SHROOM3: variants seen among roughly 807,000 people sequenced by gnomAD.
SHROOM3 encodes shroom family member 3, also known as protein Shroom3.
Under a neutral mutation model 138.6 loss-of-function variants are expected in SHROOM3, and 47 were observed. That is an observed-to-expected ratio of 0.34 (90% CI 0.27 to 0.43). The LOEUF (loss-of-function observed/expected upper bound fraction) is 0.43, where lower values mean the gene tolerates loss of function less well. SHROOM3 is among the 20% of genes least tolerant of loss of function. The pLI, the probability that SHROOM3 is intolerant of heterozygous loss-of-function variation, is 1.00. For missense variants in SHROOM3, 2,491 were observed against 2,596.5 expected (o/e 0.96, Z 0.88); for synonymous variants, 1,062 against 1,063.3 (o/e 1.00, Z 0.02).
intron 1 of SHROOM3, among the ~76,000 whole-genome samples, chr4:76,489,498 T>C (rs1050848878): frequency 6.6e-6 from 1 of 152,214 alleles, no homozygotes; most frequent in African/African-American, 2.4e-5. Flanking sequence ...CCACCACTTC[T>C]TTTTTCTTTC....
At chr4:76,559,835 A>G (rs1382424713) in intron 2 of SHROOM3, among the ~76,000 whole-genome samples, 9 of 152,222 alleles carry the variant, frequency 5.9e-5, no homozygotes. Flanking sequence ...ACTTTCAAAG[A>G]TCTGCTGACC....
intron 2 of SHROOM3, among the ~76,000 whole-genome samples, chr4:76,591,037 T>A (rs1266793595): frequency 1.3e-5 from 2 of 152,150 alleles, no homozygotes; most frequent in Non-Finnish European, 2.9e-5. Context: ...GGGAAAGTAA[T>A]AATTATAGTT....
At chr4:76,577,142 C>T (rs150074846) in intron 2 of SHROOM3, among the ~76,000 whole-genome samples, 98 of 152,276 alleles carry the variant, frequency 6.4e-4, no homozygotes, top group Middle Eastern at 6.8e-3. Flanking sequence ...CTGACTCTAG[C>T]GTTCCAAAAG....
chr4:76,555,584 C>T, intron 1 of SHROOM3, 25 bp from the exon 2 acceptor site: 6 of 1,612,282 alleles, frequency 3.7e-6, no homozygotes, highest in Non-Finnish European at 5.1e-6. Flanking sequence ...TCACTCGTGG[C>T]TGTCGCATCT....
At chr4:76,479,866 C>T (rs183631988) in intron 1 of SHROOM3, among the ~76,000 whole-genome samples, 165 of 152,250 alleles carry the variant, frequency 1.1e-3, no homozygotes, top group African/African-American at 3.6e-3. Flanking sequence ...AATTTCATAT[C>T]CAGCCAAACT....
intron 10 of SHROOM3, among the ~76,000 whole-genome samples, chr4:76,777,241 T>C (rs1207685901): frequency 6.6e-6 from 1 of 152,232 alleles, no homozygotes; most frequent in African/African-American, 2.4e-5. Context: ...ACAGGATATG[T>C]TTCCATTTGT....
intron 2 of SHROOM3, among the ~76,000 whole-genome samples, chr4:76,624,252 G>A (rs150830788): frequency 3.3e-5 from 5 of 152,118 alleles, no homozygotes; most frequent in East Asian, 1.9e-4. Flanking sequence ...CTGTCCTTCC[G>A]TCGTCTGGGG....
chr4:76,568,118 C>T (rs1327492656), intron 2 of SHROOM3, among the ~76,000 whole-genome samples: 1 of 152,234 alleles, frequency 6.6e-6, no homozygotes, highest in East Asian at 1.9e-4. Flanking sequence ...GGATTTTGTT[C>T]GGTGTGGTAT....
intron 2 of SHROOM3, among the ~76,000 whole-genome samples, chr4:76,628,358 G>A (rs920762233): frequency 2.6e-5 from 4 of 152,156 alleles, no homozygotes; most frequent in Admixed American, 1.3e-4. Flanking sequence ...AGAGCAAGGT[G>A]TATCATTATT....
intron 2 of SHROOM3, among the ~76,000 whole-genome samples, chr4:76,680,286 G>A (rs879365511): frequency 3.3e-5 from 5 of 151,924 alleles, no homozygotes; most frequent in Admixed American, 6.6e-5. Context: ...GACTACAGGC[G>A]CCCACCACCA....
intron 1 of SHROOM3, among the ~76,000 whole-genome samples, chr4:76,552,026 T>TA (rs1733370090): frequency 1.4e-5 from 1 of 71,712 alleles, no homozygotes; most frequent in African/African-American, 7.0e-5. Context: ...CACGCCCGGC[T>TA]AATTTTTTGT....
At chr4:76,580,244 G>A (rs1184688471) in intron 2 of SHROOM3, among the ~76,000 whole-genome samples, 3 of 152,160 alleles carry the variant, frequency 2.0e-5, no homozygotes, top group East Asian at 1.9e-4. Context: ...TGGGAGAGGC[G>A]TGGCATATCC....
intron 1 of SHROOM3, among the ~76,000 whole-genome samples, chr4:76,551,923 G>A (rs1403111758): frequency 1.3e-5 from 2 of 151,138 alleles, no homozygotes; most frequent in African/African-American, 4.9e-5. Context: ...GTGCAGTGGT[G>A]CGATCTCGGC....
rs1449140588 is a variant in SHROOM3 at position 76,708,949 on chromosome 4, A to C, written c.324-1207A>C. ...CGAGAATCCTAAATTCGGTGAGAAAAGTAATGTACAGAAGGAGGTGGTGGT... is the reference window on the plus strand; with the variant it reads ...CGAGAATCCTAAATTCGGTGAGAAACGTAATGTACAGAAGGAGGTGGTGGT... On this transcript the variant is annotated intron_variant, in intron 2 of 10. Transcript: ENST00000296043. Among the ~76,000 whole-genome samples, 4 of 152,242 alleles carry C rather than the reference A, an allele frequency of 2.6e-5. No individual in the cohort carries two copies. The East Asian group carries it at 7.7e-4, about 29-fold the overall frequency.
chr4:76,614,103 T>C (rs1166417932), intron 2 of SHROOM3, among the ~76,000 whole-genome samples: 2 of 152,040 alleles, frequency 1.3e-5, no homozygotes, highest in Admixed American at 6.5e-5. Flanking sequence ...CAGGCTGGAG[T>C]GCAGTGCAGT....
At chr4:76,594,582 G>C (rs545208064) in intron 2 of SHROOM3, among the ~76,000 whole-genome samples, 11 of 152,200 alleles carry the variant, frequency 7.2e-5, no homozygotes, top group Non-Finnish European at 1.5e-4. Flanking sequence ...GTTTGAACCA[G>C]TGTCAACAAT....
chr4:76,585,729 GTGA>G (rs923981777), intron 2 of SHROOM3, among the ~76,000 whole-genome samples: 1 of 152,070 alleles, frequency 6.6e-6, no homozygotes, highest in African/African-American at 2.4e-5. Flanking sequence ...TATGTCTGTG[GTGA>G]TTTTTATAAT....
At chr4:76,479,933 A>C (rs989821040) in intron 1 of SHROOM3, among the ~76,000 whole-genome samples, 9 of 152,186 alleles carry the variant, frequency 5.9e-5, no homozygotes, top group African/African-American at 2.2e-4. Context: ...CTGCTGAGAG[A>C]TTTTGTCACC....
intron 1 of SHROOM3, among the ~76,000 whole-genome samples, chr4:76,532,511 C>T (rs947641549): frequency 3.9e-5 from 6 of 152,144 alleles, no homozygotes; most frequent in Non-Finnish European, 7.3e-5. Flanking sequence ...CCATTGGGTG[C>T]CAGAAACCAT....
Sources: gnomAD v4.1 joint callset for allele counts (sites outside exome capture counted in the v4.1 genomes callset) on GRCh38, gnomAD v4.1.1 for gene constraint, MANE v1.5 for transcripts, NCBI Gene and HGNC (gene_info 2026-07-23, HGNC 2026-07-21) for gene names.